The following ARHGAP42 variants were observed in gnomAD, a reference collection of about 807,000 sequenced individuals.
ARHGAP42 encodes rho GTPase-activating protein 42.
In ARHGAP42, 63 loss-of-function variants were observed where a neutral mutation model predicts 125.0. The observed-to-expected ratio is 0.50, with a 90% CI of 0.41 to 0.62. The LOEUF is 0.62. Ranked by LOEUF, ARHGAP42 falls within the 20% of genes least tolerant of loss-of-function variation. ARHGAP42 has a pLI of 0.00. For synonymous variants in ARHGAP42, 339 were observed against 351.0 expected (o/e 0.97, Z 0.38); for missense variants, 766 against 1,024.2 (o/e 0.75, Z 3.44).
At chr11:100,837,666 C>T (rs12286861) in intron 3 of ARHGAP42, among the ~76,000 whole-genome samples, 7 of 61,036 alleles carry the variant, frequency 1.1e-4, no homozygotes, top group Admixed American at 1.9e-4. Context: ...AGGTGTCATC[C>T]TTTTTTTTTT....
rs544788680 is a variant in ARHGAP42, at chr11:100,777,417, G to C, written c.250+6979G>C. On this transcript the variant is annotated intron_variant, in intron 2 of 23. Transcript: ENST00000298815. ...GGTGTCAAGAAGAATTTTTTCAAGG[G>C]AGTGGTTGGAAAATCTCATTCAGTT... is the stretch of plus-strand genomic sequence containing the variant. 2.6e-5 allele frequency among the ~76,000 whole-genome samples: 4 copies of C among 152,248 alleles called. No individual in the cohort carries two copies. In the East Asian group the frequency reaches 7.7e-4, roughly 29 times the overall value.
intron 22 of ARHGAP42, among the ~76,000 whole-genome samples, chr11:100,981,664 T>C (rs1271377121): frequency 6.6e-6 from 1 of 152,186 alleles, no homozygotes; most frequent in African/African-American, 2.4e-5. Context: ...AACAGATCAT[T>C]TTCCAGCAGG....
intron 1 of ARHGAP42, among the ~76,000 whole-genome samples, chr11:100,753,459 C>T (rs912929689): frequency 6.6e-6 from 1 of 152,224 alleles, no homozygotes; most frequent in African/African-American, 2.4e-5. Context: ...GGGTGCCCAT[C>T]TCCTGTGCCT....
At chr11:100,835,325 T>A (rs1864759391) in intron 3 of ARHGAP42, among the ~76,000 whole-genome samples, 2 of 152,190 alleles carry the variant, frequency 1.3e-5, no homozygotes, top group East Asian at 3.9e-4. Context: ...TTTACAGTTA[T>A]ACATGCACGT....
At chr11:100,835,978 C>T (rs1056434216) in intron 3 of ARHGAP42, among the ~76,000 whole-genome samples, 11 of 152,000 alleles carry the variant, frequency 7.2e-5, no homozygotes, top group Admixed American at 3.3e-4. Flanking sequence ...TGAAGCCAGC[C>T]GAACAAGGAA....
At chr11:100,940,272 C>T (rs1269819054) in intron 8 of ARHGAP42, among the ~76,000 whole-genome samples, 1 of 152,118 alleles carries the variant, frequency 6.6e-6, no homozygotes, top group Non-Finnish European at 1.5e-5. Context: ...ATTTCAATTT[C>T]TTTCTTTTAA....
intron 1 of ARHGAP42, among the ~76,000 whole-genome samples, chr11:100,711,274 C>T (rs1367282451): frequency 6.6e-6 from 1 of 152,196 alleles, no homozygotes; most frequent in African/African-American, 2.4e-5. Context: ...TTTTCATCAG[C>T]GTTTCCAACT....
chr11:100,701,436 T>C (rs1291713961), intron 1 of ARHGAP42, among the ~76,000 whole-genome samples: 1 of 152,252 alleles, frequency 6.6e-6, no homozygotes, highest in Non-Finnish European at 1.5e-5. Context: ...CTTCTTCCAA[T>C]AGAAGTCTGC....
chr11:100,882,694 CT>C (rs1329037820), intron 4 of ARHGAP42, among the ~76,000 whole-genome samples: 1 of 151,974 alleles, frequency 6.6e-6, no homozygotes, highest in Non-Finnish European at 1.5e-5. Flanking sequence ...CTTTGAATGC[CT>C]GATCGAATTC....
chr11:100,713,044 G>A (rs1254345315), intron 1 of ARHGAP42, among the ~76,000 whole-genome samples: 3 of 151,752 alleles, frequency 2.0e-5, no homozygotes, highest in Admixed American at 6.6e-5. Context: ...TGGTAAGCAC[G>A]TGGTTTTTGT....
At chr11:100,863,577 A>C (rs1865500744) in intron 4 of ARHGAP42, among the ~76,000 whole-genome samples, 1 of 152,228 alleles carries the variant, frequency 6.6e-6, no homozygotes, top group African/African-American at 2.4e-5. Context: ...TGTGGGAAAG[A>C]AGCATTGTTC....
In ARHGAP42 at chr11:100,976,868, G is replaced by A. The variant is rs1184112317; in HGVS notation, c.2290G>A (p.Glu764Lys). The change falls in exon 21 of 24, where the codon GAG becomes AAG. Residue 764 changes from glutamate (E) to lysine (K), a missense_variant. Coordinates refer to ENST00000298815, the MANE Select transcript of ARHGAP42 (RefSeq NM_152432.4). Reference protein sequence around the residue: ...IQSLTSVGSKETPKASPNPDL... With the variant: ...IQSLTSVGSKKTPKASPNPDL... Reference sequence around the variant, plus strand: ...AAGCTTAACTTCTGTAGGTTCCAAGGAGACACCCAAAGCTTCACCAAACCC... The same window carrying A: ...AAGCTTAACTTCTGTAGGTTCCAAGAAGACACCCAAAGCTTCACCAAACCC... 6.4e-7 allele frequency: 1 copy of A among 1,551,470 alleles called. No individual in the cohort carries two copies. Among genetic ancestry groups the A allele is most frequent in the East Asian group, 2.4e-5 (1 of 40,920 alleles).
At chr11:100,910,270 A>C (rs1381865252) in intron 4 of ARHGAP42, among the ~76,000 whole-genome samples, 2 of 152,188 alleles carry the variant, frequency 1.3e-5, no homozygotes, top group Non-Finnish European at 2.9e-5. Flanking sequence ...TAACGGCAGC[A>C]ACTATGATAC....
intron 1 of ARHGAP42, among the ~76,000 whole-genome samples, 154 bp from the exon 2 acceptor site, chr11:100,770,189 T>C (rs1862939863): frequency 6.6e-6 from 1 of 152,154 alleles, no homozygotes; most frequent in Non-Finnish European, 1.5e-5. Flanking sequence ...CAAACTGGTA[T>C]TTTAAAGGAT....
chr11:100,863,364 G>A (rs529081198), intron 4 of ARHGAP42, among the ~76,000 whole-genome samples: 1 of 152,172 alleles, frequency 6.6e-6, no homozygotes, highest in Non-Finnish European at 1.5e-5. Context: ...TGCAGTCAGC[G>A]ACCTCTTCAG....
intron 17 of ARHGAP42, among the ~76,000 whole-genome samples, chr11:100,970,078 T>G (rs545213734): frequency 6.6e-6 from 1 of 152,078 alleles, no homozygotes; most frequent in African/African-American, 2.4e-5. Context: ...AACCTCTGCC[T>G]CTCGGGTTCA....
intron 1 of ARHGAP42, among the ~76,000 whole-genome samples, chr11:100,756,275 T>G (rs7116153): frequency 0.26 from 38,506 of 150,414 alleles, 5,187 homozygotes; most frequent in Non-Finnish European, 0.29. Flanking sequence ...TCATATATCT[T>G]TAGTCCTAGC....
At chr11:100,957,515 C>T (rs1202844119) in intron 12 of ARHGAP42, among the ~76,000 whole-genome samples, 2 of 152,064 alleles carry the variant, frequency 1.3e-5, no homozygotes, top group Non-Finnish European at 2.9e-5. Context: ...CTTAGGTTTT[C>T]CTGGCTTTAA....
At chr11:100,792,394 T>G (rs1343670276) in intron 2 of ARHGAP42, among the ~76,000 whole-genome samples, 1 of 152,208 alleles carries the variant, frequency 6.6e-6, no homozygotes, top group Non-Finnish European at 1.5e-5. Context: ...ATCTCCTATC[T>G]TGCCAGTCCC....
Sources: allele counts gnomAD v4.1 joint callset (sites outside exome capture counted in the v4.1 genomes callset), GRCh38; gene constraint gnomAD v4.1.1; transcripts MANE v1.5; gene names NCBI Gene and HGNC (gene_info 2026-07-23, HGNC 2026-07-21).